SLC16A1: variants seen among roughly 807,000 people sequenced by gnomAD.
SLC16A1 encodes monocarboxylate transporter 1.
Under a neutral mutation model 32.2 loss-of-function variants are expected in SLC16A1, and 11 were observed. The ratio of observed to expected loss-of-function variants is 0.34; its 90% CI spans 0.21 to 0.56. The LOEUF is 0.56. Among genes scored for constraint, SLC16A1 ranks in the 20% least tolerant of loss-of-function variants. The pLI is 0.87. For synonymous variants in SLC16A1, 231 were observed against 226.8 expected (o/e 1.02, Z -0.17); for missense variants, 435 against 615.0 (o/e 0.71, Z 3.10).
At chr1:112,934,374 A>G (rs1038842533) in intron 1 of SLC16A1, among the ~76,000 whole-genome samples, 1 of 152,220 alleles carries the variant, frequency 6.6e-6, no homozygotes, top group African/African-American at 2.4e-5. Flanking sequence ...GGGATAGAAA[A>G]CAGATCAGTG....
chr1:112,940,379 A>C (rs1408649110), intron 1 of SLC16A1, among the ~76,000 whole-genome samples: 1 of 152,088 alleles, frequency 6.6e-6, no homozygotes, highest in African/African-American at 2.4e-5. Context: ...AAATCTAAAG[A>C]CCTCAATCGT....
chr1:112,929,150 G>A lies in SLC16A1; in HGVS notation c.159C>T (p.Ala53=). ...FFKEIEGIFH[A]TTSEVSWISS... ...ATATCCATGACACTTCGCTGGTGGT[G>A]GCATGGAATATACCTTCAATCTCTT... Residue 53 remains alanine, a synonymous_variant, in exon 2 of 5, where the codon GCC becomes GCT. Coordinates refer to ENST00000369626, the MANE Select transcript of SLC16A1 (RefSeq NM_003051.4). 8.1e-6 allele frequency: 13 copies of A among 1,614,004 alleles called. No individual in the cohort carries two copies. Among genetic ancestry groups the A allele is most frequent in the Non-Finnish European group, 1.1e-5 (13 of 1,180,006 alleles).
intron 2 of SLC16A1, among the ~76,000 whole-genome samples, chr1:112,927,858 G>C (rs1237171375): frequency 6.6e-6 from 1 of 152,116 alleles, no homozygotes; most frequent in East Asian, 1.9e-4. Context: ...GTAAACTTCT[G>C]GTTTGTAGTC....
At chr1:112,923,885 GA>G in intron 2 of SLC16A1, 1 of 1,523,232 alleles carries the variant, frequency 6.6e-7, no homozygotes, top group Non-Finnish European at 9.1e-7. Flanking sequence ...CCCAGCAGGT[GA>G]AAACGGAGCT....
At chr1:112,933,400 G>A (rs1449497662) in intron 1 of SLC16A1, among the ~76,000 whole-genome samples, 1 of 147,732 alleles carries the variant, frequency 6.8e-6, no homozygotes, top group Non-Finnish European at 1.5e-5. Context: ...AGGTTGCAGT[G>A]AGCTGAGATC....
chr1:112,922,244 TAAG>T lies in SLC16A1; in HGVS notation c.218-114_218-112del. Reference sequence around the variant, plus strand: ...CTCCAAAATAAACAAGCAGCAATGATAAGAATATTGTTTTCTATAATTACTTCT... The same window carrying T: ...CTCCAAAATAAACAAGCAGCAATGATAATATTGTTTTCTATAATTACTTCT... On this transcript the variant is annotated intron_variant, in intron 2 of 4. Transcript: ENST00000369626. 8.8e-6 allele frequency: 9 copies of T among 1,019,988 alleles called. No homozygotes were observed. The South Asian group carries it at 1.2e-4, about 14-fold the overall frequency. 63.2% of individuals were successfully genotyped at this position (1,019,988 alleles called of 1,614,324 possible). A position where few individuals can be genotyped will look rare whatever the true frequency, so the allele number is the denominator to read the frequency against.
At chr1:112,945,520 T>G (rs1250909174) in intron 1 of SLC16A1, among the ~76,000 whole-genome samples, 1 of 144,656 alleles carries the variant, frequency 6.9e-6, no homozygotes, top group African/African-American at 2.6e-5. Context: ...ACTAAAAATA[T>G]GAAAATTAGC....
intron 1 of SLC16A1, among the ~76,000 whole-genome samples, chr1:112,948,646 G>C (rs900654223): frequency 1.3e-5 from 2 of 151,754 alleles, no homozygotes; most frequent in African/African-American, 4.8e-5. Context: ...TGGGATTACA[G>C]GCAACCGCCA....
At chr1:112,916,496 TAAAAAAAAAAA>T (rs570173297) in intron 4 of SLC16A1, among the ~76,000 whole-genome samples, 1 of 61,202 alleles carries the variant, frequency 1.6e-5, no homozygotes, top group Non-Finnish European at 3.2e-5. Context: ...AAGACTGTCT[TAAAAAAAAAAA>T]AAAAAAAAAA....
Position 112,922,126 on chromosome 1 carries a change from G to C in SLC16A1, c.225C>G (p.Ile75Met). Reference sequence around the variant, plus strand: ...CATATTTATTCACCAGGATACTGCTGATAGGACCTAAAAGACAACCAAAAA... The same window carrying C: ...CATATTTATTCACCAGGATACTGCTCATAGGACCTAAAAGACAACCAAAAA... ...MLAVMYGGGP[I>M]SSILVNKYGS... Residue 75 changes from isoleucine to methionine, a missense_variant, in exon 3 of 5, where the codon ATC becomes ATG. Physicochemically the swap from Ile to Met is conservative, Grantham distance 10. Transcript: ENST00000369626. 6.2e-7 allele frequency: 1 copy of C among 1,614,024 alleles called. No individual in the cohort carries two copies. The highest frequency in any genetic ancestry group is 8.5e-7 in the Non-Finnish European group (1 of 1,180,000).
At chr1:112,914,721 G>A (rs989657115) in intron 4 of SLC16A1, among the ~76,000 whole-genome samples, 1 of 152,196 alleles carries the variant, frequency 6.6e-6, no homozygotes, top group Non-Finnish European at 1.5e-5. Context: ...TAGCTAATTT[G>A]TCCATGGTCA....
At chr1:112,925,891 A>G (rs1648922208) in intron 2 of SLC16A1, among the ~76,000 whole-genome samples, 1 of 152,204 alleles carries the variant, frequency 6.6e-6, no homozygotes, top group South Asian at 2.1e-4. Flanking sequence ...CTTATAGTCT[A>G]GTTTTACTAT....
intron 1 of SLC16A1, among the ~76,000 whole-genome samples, chr1:112,945,459 G>GAGCTC (rs938790980): frequency 6.6e-6 from 1 of 151,630 alleles, no homozygotes; most frequent in Non-Finnish European, 1.5e-5. Context: ...TGGATCACCT[G>GAGCTC]AGGTCAGGAG....
intron 1 of SLC16A1, among the ~76,000 whole-genome samples, chr1:112,945,793 G>C (rs887996628): frequency 9.2e-5 from 14 of 151,444 alleles, no homozygotes; most frequent in Non-Finnish European, 1.6e-4. Flanking sequence ...GGGAGTTCAG[G>C]ACCAGCCTGA....
At chr1:112,940,517 C>A (rs1407561173) in intron 1 of SLC16A1, among the ~76,000 whole-genome samples, 1 of 152,086 alleles carries the variant, frequency 6.6e-6, no homozygotes, top group Non-Finnish European at 1.5e-5. Flanking sequence ...ATTCAGACTG[C>A]ATATCATCTT....
At chr1:112,945,830 T>G (rs1332235699) in intron 1 of SLC16A1, among the ~76,000 whole-genome samples, 2 of 148,820 alleles carry the variant, frequency 1.3e-5, no homozygotes, top group Non-Finnish European at 3.0e-5. Flanking sequence ...CCATCTCTAC[T>G]AAAAATACAA....
intron 1 of SLC16A1, among the ~76,000 whole-genome samples, chr1:112,940,801 AG>A (rs1649481422): frequency 6.6e-6 from 1 of 151,900 alleles, no homozygotes; most frequent in Non-Finnish European, 1.5e-5. Context: ...TACTATTTTT[AG>A]TCAGTTAAAA....
At chr1:112,914,582 A>T (rs893003454) in intron 4 of SLC16A1, among the ~76,000 whole-genome samples, 3 of 152,222 alleles carry the variant, frequency 2.0e-5, no homozygotes, top group African/African-American at 7.2e-5. Context: ...GTATTCCTGT[A>T]AACACTTGTC....
intron 1 of SLC16A1, among the ~76,000 whole-genome samples, chr1:112,935,395 A>G (rs969978180): frequency 1.3e-5 from 2 of 152,160 alleles, no homozygotes; most frequent in Non-Finnish European, 2.9e-5. Flanking sequence ...GTGACACGGC[A>G]AGACTCCGCT....
Sources: allele counts gnomAD v4.1 joint callset (sites outside exome capture counted in the v4.1 genomes callset), GRCh38; gene constraint gnomAD v4.1.1; transcripts MANE v1.5; gene names NCBI Gene and HGNC (gene_info 2026-07-23, HGNC 2026-07-21).